THSD7B: variants seen among roughly 807,000 people sequenced by gnomAD.
THSD7B encodes the protein thrombospondin type 1 domain containing 7B, also known as thrombospondin type-1 domain-containing protein 7B.
In THSD7B, 138 loss-of-function variants were observed where a neutral mutation model predicts 213.6. The observed-to-expected ratio is 0.65, with a 90% CI of 0.56 to 0.74. The LOEUF is 0.74. Among genes scored for constraint, THSD7B ranks in the 30% least tolerant of loss-of-function variants. THSD7B has a pLI of 0.00. For synonymous variants in THSD7B, 742 were observed against 687.0 expected, an observed-to-expected ratio of 1.08 and a Z score of -1.25; for missense variants, 1,931 against 1,991.5, an observed-to-expected ratio of 0.97 and a Z score of 0.58.
chr2:137,377,882 C>G (rs1441843296), intron 12 of THSD7B, among the ~76,000 whole-genome samples: 1 of 152,112 alleles, frequency 6.6e-6, no homozygotes, highest in Admixed American at 6.6e-5. Context: ...GCCTCAGCCT[C>G]CCGAAGTGCT....
chr2:137,271,812 G>A (rs1250458518), intron 10 of THSD7B, among the ~76,000 whole-genome samples: 2 of 151,994 alleles, frequency 1.3e-5, no homozygotes, highest in Non-Finnish European at 2.9e-5. Flanking sequence ...GCACTTTAAC[G>A]ATAATTGATT....
At chr2:137,401,844 G>T (rs1686373621) in intron 12 of THSD7B, among the ~76,000 whole-genome samples, 1 of 152,050 alleles carries the variant, frequency 6.6e-6, no homozygotes, top group South Asian at 2.1e-4. Flanking sequence ...AAACTGATTT[G>T]CTCTGCACAG....
intron 12 of THSD7B, among the ~76,000 whole-genome samples, chr2:137,403,467 T>C (rs1553447180): frequency 6.6e-6 from 1 of 152,224 alleles, no homozygotes; most frequent in Non-Finnish European, 1.5e-5. Context: ...TAAACTGTGG[T>C]CTTTTTGTTC....
intron 15 of THSD7B, among the ~76,000 whole-genome samples, chr2:137,489,233 T>G (rs1370522063): frequency 6.6e-6 from 1 of 151,970 alleles, no homozygotes; most frequent in Non-Finnish European, 1.5e-5. Flanking sequence ...GAGACCATCC[T>G]GGCCAACATG....
chr2:137,056,910 T>G lies in THSD7B; in HGVS notation c.630T>G (p.Pro210=). 2 of 1,613,832 alleles carry G rather than the reference T, an allele frequency of 1.2e-6. No homozygotes were observed. Among genetic ancestry groups the G allele is most frequent in the Non-Finnish European group, 1.7e-6 (2 of 1,179,862 alleles). Residue 210 remains proline, a synonymous_variant, in exon 3 of 28, where the codon CCT becomes CCG. Transcript: ENST00000409968. ...GAACTCGCGCGGTCATAGCTCCCCC[T>G]CTCTTTGGTGGTTTGCAATGTCCAA... ...QHRTRAVIAP[P]LFGGLQCPNL...
intron 6 of THSD7B, among the ~76,000 whole-genome samples, chr2:137,166,984 T>C (rs1680147522): frequency 6.6e-6 from 1 of 152,102 alleles, no homozygotes; most frequent in African/African-American, 2.4e-5. Flanking sequence ...CTAATAATGA[T>C]ACTATAAGAT....
intron 12 of THSD7B, among the ~76,000 whole-genome samples, chr2:137,398,930 G>T (rs1686278508): frequency 6.6e-6 from 1 of 152,164 alleles, no homozygotes; most frequent in African/African-American, 2.4e-5. Context: ...CGATTTTCCA[G>T]GTGCTGTCCG....
chr2:137,358,651 A>C (rs1424064427), intron 12 of THSD7B, among the ~76,000 whole-genome samples: 1 of 152,154 alleles, frequency 6.6e-6, no homozygotes, highest in Non-Finnish European at 1.5e-5. Context: ...CCTGCAGTCT[A>C]TTTTTAGAGG....
chr2:136,956,601 C>CAAA (rs10676991), intron 2 of THSD7B, among the ~76,000 whole-genome samples: 17 of 121,614 alleles, frequency 1.4e-4, no homozygotes, highest in African/African-American at 4.3e-4. Flanking sequence ...GACCCTGTCT[C>CAAA]AAAAAAAAAA....
intron 15 of THSD7B, among the ~76,000 whole-genome samples, chr2:137,499,768 A>G (rs919260231): frequency 2.0e-5 from 3 of 152,214 alleles, no homozygotes; most frequent in Non-Finnish European, 4.4e-5. Context: ...GCAGACTGAG[A>G]CATACCATAT....
intron 2 of THSD7B, among the ~76,000 whole-genome samples, chr2:137,022,400 C>T (rs1686461497): frequency 6.6e-6 from 1 of 152,078 alleles, no homozygotes; most frequent in African/African-American, 2.4e-5. Flanking sequence ...TAATGTGCAT[C>T]TCCTTTTTCA....
At chr2:137,453,471 A>T (rs1687696152) in intron 15 of THSD7B, among the ~76,000 whole-genome samples, 1 of 151,536 alleles carries the variant, frequency 6.6e-6, no homozygotes, top group African/African-American at 2.4e-5. Flanking sequence ...CTGTGGCTAC[A>T]GGCTTCTGCC....
intron 12 of THSD7B, among the ~76,000 whole-genome samples, chr2:137,347,453 G>C (rs552379584): frequency 1.3e-5 from 2 of 151,616 alleles, no homozygotes; most frequent in African/African-American, 4.8e-5. Flanking sequence ...GCAGTAGAAA[G>C]TGTGGACTCC....
At chr2:136,937,158 C>T (rs1026536397) in intron 2 of THSD7B, among the ~76,000 whole-genome samples, 3 of 152,084 alleles carry the variant, frequency 2.0e-5, no homozygotes, top group East Asian at 3.9e-4. Flanking sequence ...AATCGACTTT[C>T]GATATCCTCC....
intron 2 of THSD7B, among the ~76,000 whole-genome samples, chr2:136,916,034 A>G (rs1230345400): frequency 6.6e-6 from 1 of 152,226 alleles, no homozygotes; most frequent in Non-Finnish European, 1.5e-5. Context: ...AGCTTTCCCT[A>G]ACGATTGCTT....
intron 2 of THSD7B, among the ~76,000 whole-genome samples, chr2:136,990,344 TAG>T (rs1553462830): frequency 6.6e-6 from 1 of 152,210 alleles, no homozygotes; most frequent in Non-Finnish European, 1.5e-5. Context: ...CCTGAGCTGA[TAG>T]AACAAGCTGG....
At chr2:137,131,334 G>C (rs1170266533) in intron 5 of THSD7B, among the ~76,000 whole-genome samples, 1 of 152,032 alleles carries the variant, frequency 6.6e-6, no homozygotes, top group Non-Finnish European at 1.5e-5. Flanking sequence ...TAGGTTGCCT[G>C]CTCACTCTGA....
At chr2:137,634,188 G>C (rs181816285) in intron 20 of THSD7B, among the ~76,000 whole-genome samples, 2 of 152,190 alleles carry the variant, frequency 1.3e-5, no homozygotes, top group East Asian at 3.9e-4. Context: ...ACCCTATTCT[G>C]CATGGTGTTT....
intron 4 of THSD7B, among the ~76,000 whole-genome samples, chr2:137,102,704 G>A (rs1348660059): frequency 1.3e-5 from 2 of 152,106 alleles, no homozygotes; most frequent in Non-Finnish European, 2.9e-5. Flanking sequence ...TGACCTGATG[G>A]ATCTGAAAAA....
Sources: allele counts gnomAD v4.1 joint callset (sites outside exome capture counted in the v4.1 genomes callset), GRCh38; gene constraint gnomAD v4.1.1; transcripts MANE v1.5; gene names NCBI Gene and HGNC (gene_info 2026-07-23, HGNC 2026-07-21).